The following C19orf53 variants were observed in gnomAD, a reference collection of about 807,000 sequenced individuals.
C19orf53 encodes the protein leydig cell tumor 10 kDa protein homolog.
In C19orf53, 9 loss-of-function variants were observed where a neutral mutation model predicts 6.5. That is an observed-to-expected ratio of 1.38 (90% confidence interval 0.83 to 2.40). C19orf53 has a LOEUF of 2.40. C19orf53 is among the 30% of genes most tolerant of loss of function. The pLI, the probability that C19orf53 is intolerant of heterozygous loss-of-function variation, is 0.00. For synonymous variants in C19orf53, 68 were observed against 52.5 expected, an observed-to-expected ratio of 1.29 and a Z score of -1.27; for missense variants, 166 against 129.7, an observed-to-expected ratio of 1.28 and a Z score of -1.36.
In C19orf53 at chr19:13,777,964, C is replaced by T. The variant is rs377147258; in HGVS notation, c.154-88C>T. 2.3e-5 allele frequency: 34 copies of T among 1,502,096 alleles called. No individual in the cohort carries two copies. In the East Asian group the frequency reaches 7.2e-4, roughly 32 times the overall value. 93.0% of individuals were successfully genotyped at this position (1,502,096 alleles called of 1,614,324 possible). On this transcript the variant is annotated intron_variant, in intron 2 of 2. Transcript: ENST00000588234. ...AGGGGATAGTTGCTGATCTAGCCCCCTGCGAGCTCTAGCCAGGAAGAGGGT... is the reference window on the plus strand; with the variant it reads ...AGGGGATAGTTGCTGATCTAGCCCCTTGCGAGCTCTAGCCAGGAAGAGGGT...
Position 13,778,347 on chromosome 19 carries a change from G to C in C19orf53, c.*149G>C, listed in dbSNP as rs1039290973. 1 of 972,028 alleles carries C rather than the reference G, an allele frequency of 1.0e-6. No homozygotes were observed. Among genetic ancestry groups the C allele is most frequent in the African/African-American group, 1.7e-5 (1 of 59,940 alleles). 60.2% of individuals were successfully genotyped at this position (972,028 alleles called of 1,614,324 possible). A position where few individuals can be genotyped will look rare whatever the true frequency, so the allele number is the denominator to read the frequency against. ...AACTTCAGTGGGGGCCAAGGGTGCT[G>C]AGAACCCAGCAATGACCAGGAAGAT... On this transcript the variant is annotated 3_prime_UTR_variant, in exon 3 of 3. Coordinates refer to ENST00000588234, the MANE Select transcript of C19orf53 (RefSeq NM_014047.3).
chr19:13,774,765 G>A (rs1210202145), intron 2 of C19orf53, 58 bp downstream of exon 2: 4 of 1,552,006 alleles, frequency 2.6e-6, no homozygotes, highest in Non-Finnish European at 3.5e-6. Flanking sequence ...GGTGGAACCC[G>A]GAGGACGGCG....
chr19:13,775,940 C>T (rs1974366094), intron 2 of C19orf53, among the ~76,000 whole-genome samples: 1 of 151,800 alleles, frequency 6.6e-6, no homozygotes, highest in African/African-American at 2.4e-5. Context: ...CTCTCACATC[C>T]CGGTCTCATC....
Position 13,774,670 on chromosome 19 carries a change from A to T in C19orf53, c.116A>T (p.Lys39Met). 1 of 1,609,496 alleles carries T rather than the reference A, an allele frequency of 6.2e-7. No homozygotes were observed. The highest frequency in any genetic ancestry group is 1.1e-5 in the South Asian group (1 of 91,016). Residue 39 changes from lysine (K) to methionine (M), a missense_variant, in exon 2 of 3, where the codon AAG (lysine) becomes ATG (methionine). Coordinates refer to ENST00000588234, the MANE Select transcript of C19orf53 (RefSeq NM_014047.3). ...TCCCCAGGTCGTGTTATCGCTCCCAAGAAGGCGCGCGTCGTGCAGCAGCAA... is the reference window on the plus strand; with the variant it reads ...TCCCCAGGTCGTGTTATCGCTCCCATGAAGGCGCGCGTCGTGCAGCAGCAA... Reference protein sequence around the residue: ...PRKGGRVIAPKKARVVQQQKL... With the variant: ...PRKGGRVIAPMKARVVQQQKL...
At chr19:13,776,855 C>T (rs563121855) in intron 2 of C19orf53, among the ~76,000 whole-genome samples, 191 of 152,332 alleles carry the variant, frequency 1.3e-3, no homozygotes, top group African/African-American at 3.8e-3. Context: ...TATATTGTCC[C>T]GGTACATGCA....
intron 2 of C19orf53, chr19:13,774,951 G>A (rs890370867): frequency 5.0e-5 from 29 of 574,894 alleles, no homozygotes; most frequent in Non-Finnish European, 4.0e-5. Flanking sequence ...GACGTGCTAG[G>A]GACGAGAGAT....
In C19orf53 at chr19:13,774,513, AC is replaced by A; in HGVS notation, c.39del (p.Ala14GlnfsTer40). 1 of 1,613,432 alleles carries A rather than the reference AC, an allele frequency of 6.2e-7. No homozygotes were observed. Among genetic ancestry groups the A allele is most frequent in the South Asian group, 1.1e-5 (1 of 91,048 alleles). On this transcript the variant is annotated frameshift_variant, in exon 1 of 3. Coordinates refer to ENST00000588234, the MANE Select transcript of C19orf53 (RefSeq NM_014047.3). LOFTEE classifies it high-confidence loss of function. Reference sequence around the variant, plus strand: ...GGCAGCGCAAGTTTCAGGCGCACAAACCCGCAAAGAGTAAGACGGCAGCGGC... The same window carrying A: ...GGCAGCGCAAGTTTCAGGCGCACAAACCGCAAAGAGTAAGACGGCAGCGGC... Reference protein sequence around the residue: ...QGQRKFQAHKPAKSKTAAAAS... With the variant: ...QGQRKFQAHKXAKSKTAAAAS...
In C19orf53 at chr19:13,778,440, C is replaced by A. The variant is rs2145215395; in HGVS notation, c.*242C>A. 2.5e-6 allele frequency: 1 copy of A among 398,072 alleles called. No individual in the cohort carries two copies. 24.7% of individuals were successfully genotyped at this position (398,072 alleles called of 1,614,324 possible). On this transcript the variant is annotated 3_prime_UTR_variant, in exon 3 of 3. Transcript: ENST00000588234. The stretch of plus-strand genomic sequence containing the variant: ...CTGCCTCCACAGGTTTAACCCAGAA[C>A]AATAAACCTGGCTTTGTCATCCCTC...
rs750995204 is a variant in C19orf53 at position 13,774,494 on chromosome 19, G to A, written c.17G>A (p.Arg6His). MAQGQ[R>H]KFQAHKPAKS... ...TGCCGGACCATGGCGCAGGGGCAGC[G>A]CAAGTTTCAGGCGCACAAACCCGCA... Residue 6 changes from arginine to histidine, a missense_variant, in exon 1 of 3, where the codon CGC (arginine) becomes CAC (histidine). Arg to His is a conservative substitution (Grantham distance 29). Transcript: ENST00000588234. The A allele has an allele frequency of 1.2e-6, 2 of 1,610,308 alleles. No individual in the cohort carries two copies. The highest frequency in any genetic ancestry group is 3.3e-4 in the Middle Eastern group (2 of 6,056).
chr19:13,778,345 C>A lies in C19orf53; in HGVS notation c.*147C>A. 1.0e-6 allele frequency: 1 copy of A among 989,658 alleles called. No homozygotes were observed. Among genetic ancestry groups the A allele is most frequent in the Non-Finnish European group, 1.4e-6 (1 of 715,058 alleles). 61.3% of individuals were successfully genotyped at this position (989,658 alleles called of 1,614,324 possible). On this transcript the variant is annotated 3_prime_UTR_variant, in exon 3 of 3. Coordinates refer to ENST00000588234, the MANE Select transcript of C19orf53 (RefSeq NM_014047.3). ...AGAACTTCAGTGGGGGCCAAGGGTG[C>A]TGAGAACCCAGCAATGACCAGGAAG... is the stretch of plus-strand genomic sequence containing the variant.
At chr19:13,775,147 C>A (rs1342708787) in intron 2 of C19orf53, among the ~76,000 whole-genome samples, 1 of 152,140 alleles carries the variant, frequency 6.6e-6, no homozygotes, top group Admixed American at 6.6e-5. Flanking sequence ...GTTCCAATAA[C>A]GTCAGCCTCT....
chr19:13,774,729 A>G, intron 2 of C19orf53, 22 bp downstream of exon 2: 1 of 1,583,366 alleles, frequency 6.3e-7, no homozygotes, highest in Non-Finnish European at 8.6e-7. Flanking sequence ...CGAGAGATGG[A>G]GCCCGGAGGG....
In C19orf53 at chr19:13,778,271, G is replaced by C. The variant is rs907648083; in HGVS notation, c.*73G>C. ...TGGGACCTTGCAAGTCATCCCACAGGCTGCACTGTCAGGAAGAGGACCCTG... is the reference window on the plus strand; with the variant it reads ...TGGGACCTTGCAAGTCATCCCACAGCCTGCACTGTCAGGAAGAGGACCCTG... On this transcript the variant is annotated 3_prime_UTR_variant, in exon 3 of 3. Coordinates refer to ENST00000588234, the MANE Select transcript of C19orf53 (RefSeq NM_014047.3). The C allele has an allele frequency of 5.4e-6, 8 of 1,470,242 alleles. No individual in the cohort carries two copies. The highest frequency in any genetic ancestry group is 2.4e-5 in the East Asian group (1 of 40,998). The allele number at this position is 1,470,242 out of a possible 1,614,324, so 91.1% of individuals were successfully genotyped here. A position where few individuals can be genotyped will look rare whatever the true frequency, so the allele number is the denominator to read the frequency against.
rs761241542 is a variant in C19orf53 at position 13,774,642 on chromosome 19, C to A, written c.98-10C>A. ...GCTTCCCGGCCTCACGTGAGCACAT[C>A]TTTCCCCAGGTCGTGTTATCGCTCC... On this transcript the variant is annotated splice_polypyrimidine_tract_variant and intron_variant, in intron 1 of 2. Transcript: ENST00000588234. 7.4e-6 allele frequency: 12 copies of A among 1,611,714 alleles called. No individual in the cohort carries two copies. Among genetic ancestry groups the A allele is most frequent in the Admixed American group, 6.7e-5 (4 of 59,944 alleles).
chr19:13,774,981 G>GGGAA (rs1974352542), intron 2 of C19orf53: 1 of 553,078 alleles, frequency 1.8e-6, no homozygotes, highest in African/African-American at 1.9e-5. Context: ...AGGCCGGCGA[G>GGGAA]GGAAGGAGCA....
chr19:13,777,998 A>G, intron 2 of C19orf53, 54 bp from the exon 3 acceptor site: 1 of 1,557,930 alleles, frequency 6.4e-7, no homozygotes, highest in South Asian at 1.2e-5. Flanking sequence ...GTGACTGGTC[A>G]GGCCCTCTCT....
intron 2 of C19orf53, among the ~76,000 whole-genome samples, chr19:13,776,725 C>G (rs1599563180): frequency 6.6e-6 from 1 of 152,216 alleles, no homozygotes; most frequent in Non-Finnish European, 1.5e-5. Flanking sequence ...TCTTCCAACT[C>G]TCTTCAAAGA....
In C19orf53 at chr19:13,777,940, G is replaced by A. The variant is rs1974386798; in HGVS notation, c.154-112G>A. On this transcript the variant is annotated intron_variant, in intron 2 of 2. Transcript: ENST00000588234. ...AGACCCACAGTCAGGTGCGGTTCGA[G>A]GGGATAGTTGCTGATCTAGCCCCCT... 8 of 1,371,824 alleles carry A rather than the reference G, an allele frequency of 5.8e-6. No homozygotes were observed. The South Asian group carries it at 1.2e-4, about 20-fold the overall frequency. 85.0% of individuals were successfully genotyped at this position (1,371,824 alleles called of 1,614,324 possible).
In C19orf53 at chr19:13,774,479, TGGCGCAGG is replaced by T; in HGVS notation, c.6_13del (p.Gln3_?5). The T allele has an allele frequency of 6.2e-7, 1 of 1,603,364 alleles. No homozygotes were observed. The highest frequency in any genetic ancestry group is 8.5e-7 in the Non-Finnish European group (1 of 1,175,344). On this transcript the variant is annotated frameshift_variant and start_lost, in exon 1 of 3. Transcript: ENST00000588234. LOFTEE classifies it high-confidence loss of function. ...GCCTCTTCCGCTGCGTGCCGGACCATGGCGCAGGGGCAGCGCAAGTTTCAGGCGCACAA... is the reference window on the plus strand; with the variant it reads ...GCCTCTTCCGCTGCGTGCCGGACCATGGCAGCGCAAGTTTCAGGCGCACAA...
Sources: allele counts gnomAD v4.1 joint callset (sites outside exome capture counted in the v4.1 genomes callset), GRCh38; gene constraint gnomAD v4.1.1; transcripts MANE v1.5; gene names NCBI Gene and HGNC (gene_info 2026-07-23, HGNC 2026-07-21).